The following TNRC6B variants were observed in gnomAD, a reference collection of about 807,000 sequenced individuals.
The protein encoded by TNRC6B is trinucleotide repeat-containing gene 6B protein.
A neutral mutation model predicts 203.6 loss-of-function variants in TNRC6B; 52 were observed. That is an observed-to-expected ratio of 0.26 (90% CI 0.20 to 0.32). TNRC6B has a LOEUF of 0.32. TNRC6B is among the 10% of genes least tolerant of loss of function. The pLI is 1.00. For synonymous variants in TNRC6B, 838 were observed against 845.7 expected, an observed-to-expected ratio of 0.99 and a Z score of 0.16; for missense variants, 1,923 against 2,286.2, an observed-to-expected ratio of 0.84 and a Z score of 3.24.
intron 2 of TNRC6B, among the ~76,000 whole-genome samples, chr22:40,249,100 C>G (rs2070148781): frequency 6.6e-6 from 1 of 152,146 alleles, no homozygotes; most frequent in Non-Finnish European, 1.5e-5. Flanking sequence ...ATTTGTGGTG[C>G]CTCTTCTAAG....
chr22:40,087,472 A>C (rs566879069), intron 1 of TNRC6B, among the ~76,000 whole-genome samples: 42 of 152,252 alleles, frequency 2.8e-4, no homozygotes, highest in Non-Finnish European at 5.4e-4. Context: ...CACACATGCT[A>C]AACTGACCAT....
chr22:40,147,564 C>T (rs933745940), intron 3 of TNRC6B, among the ~76,000 whole-genome samples: 1 of 152,144 alleles, frequency 6.6e-6, no homozygotes, highest in Admixed American at 6.5e-5. Context: ...AATACTGCGT[C>T]CCCACGTGGC....
intron 4 of TNRC6B, among the ~76,000 whole-genome samples, chr22:40,159,868 A>G (rs1386449058): frequency 1.3e-5 from 2 of 151,878 alleles, no homozygotes; most frequent in African/African-American, 2.4e-5. Context: ...CTAGGGTGCA[A>G]TGGTACGATC....
intron 1 of TNRC6B, among the ~76,000 whole-genome samples, chr22:40,088,158 C>T (rs766098836): frequency 2.0e-5 from 3 of 152,110 alleles, no homozygotes; most frequent in African/African-American, 7.2e-5. Context: ...TTTCCTATCT[C>T]GTCTCATCCT....
intron 1 of TNRC6B, among the ~76,000 whole-genome samples, chr22:40,190,065 C>G (rs12628783): frequency 0.1 from 15,593 of 152,212 alleles, 1,017 homozygotes; most frequent in South Asian, 0.15. Context: ...TAATTATAGA[C>G]CATCTCTTAG....
chr22:40,177,464 A>C (rs138573913), upstream of TNRC6B, among the ~76,000 whole-genome samples: 1 of 152,076 alleles, frequency 6.6e-6, no homozygotes, highest in Non-Finnish European at 1.5e-5. Context: ...GTCTTTTTCT[A>C]TACATTTTAG....
intron 1 of TNRC6B, among the ~76,000 whole-genome samples, chr22:40,210,044 G>A (rs1043161306): frequency 4.7e-5 from 7 of 150,276 alleles, no homozygotes; most frequent in Admixed American, 1.3e-4. Context: ...AGAGAATGCA[G>A]ATGTGAACAC....
intron 3 of TNRC6B, among the ~76,000 whole-genome samples, chr22:40,133,904 A>AGGTTG (rs2068574313): frequency 8.1e-6 from 1 of 124,136 alleles, no homozygotes; most frequent in Non-Finnish European, 1.6e-5. Flanking sequence ...CAGGAGGCGG[A>AGGTTG]GGTTGTGGTG....
At chr22:40,063,301 C>A (rs2067869882) in intron 1 of TNRC6B, among the ~76,000 whole-genome samples, 2 of 152,184 alleles carry the variant, frequency 1.3e-5, no homozygotes, top group African/African-American at 4.8e-5. Context: ...TATGCCATTA[C>A]CACAATACAC....
chr22:40,113,762 C>T (rs1488102722), intron 1 of TNRC6B, among the ~76,000 whole-genome samples: 1 of 152,164 alleles, frequency 6.6e-6, no homozygotes, highest in Non-Finnish European at 1.5e-5. Context: ...GTGGTACCCT[C>T]CTGTCTGCCA....
In TNRC6B at chr22:40,227,358, CTTTTTT is replaced by C. The variant is rs71199278; in HGVS notation, c.6-18637_6-18632del. ...GCTACCACACCTAGCCTGAAATTAC[CTTTTTT>C]TTTTTTTTTTTTTTTTTTTGAGACA... On this transcript the variant is annotated intron_variant, in intron 1 of 22. Coordinates refer to ENST00000454349, the MANE Select transcript of TNRC6B (RefSeq NM_001162501.2). 3.5e-3 allele frequency among the ~76,000 whole-genome samples: 245 copies of C among 70,988 alleles called. 2 individuals are homozygous for C. The highest frequency in any genetic ancestry group is 0.011 in the African/African-American group (214 of 20,146). 46.6% of individuals were successfully genotyped at this position (70,988 alleles called of 152,430 possible). A position where few individuals can be genotyped will look rare whatever the true frequency, so the allele number is the denominator to read the frequency against.
At chr22:40,221,055 C>G (rs1452814691) in intron 1 of TNRC6B, among the ~76,000 whole-genome samples, 2 of 152,154 alleles carry the variant, frequency 1.3e-5, no homozygotes, top group Non-Finnish European at 1.5e-5. Context: ...TGGCATCCCC[C>G]CTGGTGTCTG....
chr22:40,254,449 G>A (rs1303913250), intron 3 of TNRC6B, among the ~76,000 whole-genome samples: 2 of 152,172 alleles, frequency 1.3e-5, no homozygotes, highest in African/African-American at 4.8e-5. Flanking sequence ...GAGCCCAGGA[G>A]TTCAAGGCTG....
At chr22:40,261,358 C>T (rs898041353) in intron 3 of TNRC6B, among the ~76,000 whole-genome samples, 4 of 152,088 alleles carry the variant, frequency 2.6e-5, no homozygotes, top group African/African-American at 9.7e-5. Context: ...GCAGGCGGAT[C>T]ATGAGGTCAG....
At chr22:40,046,937 G>C (rs1160377886) in intron 1 of TNRC6B, among the ~76,000 whole-genome samples, 1 of 152,078 alleles carries the variant, frequency 6.6e-6, no homozygotes, top group Non-Finnish European at 1.5e-5. Flanking sequence ...GAGCCACCGC[G>C]CCCGGCCTTA....
intron 22 of TNRC6B, 87 bp from the exon 23 acceptor site, chr22:40,322,767 A>G (rs974479106): frequency 3.6e-5 from 54 of 1,489,142 alleles, no homozygotes; most frequent in East Asian, 9.1e-5. Context: ...AGGACTGCAC[A>G]TTGAATGTCA....
Position 40,070,675 on chromosome 22 carries a change from A to G in TNRC6B, c.-121+25677A>G, listed in dbSNP as rs1601797107. Among the ~76,000 whole-genome samples the G allele has an allele frequency of 2.0e-5, 3 of 152,284 alleles. No individual in the cohort carries two copies. In the South Asian group the frequency reaches 6.2e-4, roughly 32 times the overall value. ...AGGTATTTTAAGAAAAAAATGGTAT[A>G]TTTCAGGAAGGTTGACAGGATCATT... On this transcript the variant is annotated intron_variant, in intron 1 of 23. Coordinates refer to the TNRC6B transcript ENST00000301923.
chr22:40,129,676 C>G (rs1392493189), intron 3 of TNRC6B, among the ~76,000 whole-genome samples: 1 of 152,070 alleles, frequency 6.6e-6, no homozygotes, highest in East Asian at 1.9e-4. Context: ...AGAAAACTTT[C>G]TAGGGGGTGA....
intron 3 of TNRC6B, among the ~76,000 whole-genome samples, chr22:40,252,513 G>A (rs1421737125): frequency 6.6e-6 from 1 of 152,198 alleles, no homozygotes; most frequent in Non-Finnish European, 1.5e-5. Flanking sequence ...AATTTCTTAG[G>A]AAACTTAGTT....
Sources: gnomAD v4.1 joint callset for allele counts (sites outside exome capture counted in the v4.1 genomes callset) on GRCh38, gnomAD v4.1.1 for gene constraint, MANE v1.5 for transcripts, NCBI Gene and HGNC (gene_info 2026-07-23, HGNC 2026-07-21) for gene names.